COL6A5: variants seen among roughly 807,000 people sequenced by gnomAD.
COL6A5 encodes the protein collagen type VI alpha 5 chain.
A neutral mutation model predicts 65.6 loss-of-function variants in COL6A5; 48 were observed. The observed-to-expected ratio is 0.73, with a 90% CI of 0.58 to 0.93. COL6A5 has a LOEUF of 0.93. COL6A5 is among the 40% of genes least tolerant of loss of function. COL6A5 has a pLI of 0.00. For synonymous variants in COL6A5, 291 were observed against 322.8 expected, an observed-to-expected ratio of 0.90 and a Z score of 1.05; for missense variants, 914 against 928.3, an observed-to-expected ratio of 0.98 and a Z score of 0.20.
At chr3:130,397,328 G>A (rs781184471) in intron 8 of COL6A5, among the ~76,000 whole-genome samples, 139 of 151,966 alleles carry the variant, frequency 9.1e-4, no homozygotes, top group Non-Finnish European at 1.6e-3. Flanking sequence ...TTTTAAAGGG[G>A]ACAGAGAAAA....
chr3:130,465,287 G>C (rs976553589), intron 5 of COL6A5, among the ~76,000 whole-genome samples: 2 of 152,036 alleles, frequency 1.3e-5, no homozygotes, highest in Admixed American at 6.6e-5. Context: ...TGTACAGAGA[G>C]TAAACCCCAG....
intron 1 of COL6A5, among the ~76,000 whole-genome samples, chr3:130,362,235 A>C (rs1935133855): frequency 8.9e-6 from 1 of 112,148 alleles, no homozygotes; most frequent in African/African-American, 3.6e-5. Flanking sequence ...AATTTTTGGG[A>C]AGGGTGTAAG....
chr3:130,458,143 C>G (rs1452262276), intron 5 of COL6A5, among the ~76,000 whole-genome samples: 1 of 152,078 alleles, frequency 6.6e-6, no homozygotes. Context: ...CTTCTTCTCC[C>G]CATCTGCTCT....
chr3:130,469,098 A>G, exon 6 of COL6A5: 1 of 1,613,038 alleles, frequency 6.2e-7, no homozygotes, highest in East Asian at 2.2e-5. Flanking sequence ...GTTACTTATA[A>G]CAGTATACAC....
chr3:130,409,693 G>A (rs1413783029), intron 18 of COL6A5, among the ~76,000 whole-genome samples: 4 of 152,114 alleles, frequency 2.6e-5, no homozygotes, highest in African/African-American at 9.7e-5. Context: ...TAGTTACGGG[G>A]GAATCTTTTT....
chr3:130,379,977 C>A (rs1441883286), exon 4 of COL6A5: 4 of 1,550,642 alleles, frequency 2.6e-6, no homozygotes, highest in Non-Finnish European at 3.5e-6. Context: ...GTACAAAGTT[C>A]CTGAAAAAGC....
rs566384711 is a variant in COL6A5 at position 130,401,820 on chromosome 3, G to A, written c.4193G>A (p.Gly1398Glu). 3.9e-5 allele frequency: 61 copies of A among 1,551,478 alleles called. No individual in the cohort carries two copies. Among genetic ancestry groups the A allele is most frequent in the Admixed American group, 1.6e-4 (8 of 51,000 alleles). Residue 1398 changes from glycine (G) to glutamate (E), a missense_variant and NMD_transcript_variant, in exon 12 of 42, where the codon GGA (glycine) becomes GAA (glutamate). Gly to Glu is a moderately conservative substitution (Grantham distance 98). Transcript: ENST00000312481. ...TTCTGCAAATGTCCAGGAATTCCAG[G>A]ACCTCATGGGACCCGAGGACTACAA...
chr3:130,421,237 A>G (rs1937511912), intron 26 of COL6A5, 34 bp downstream of exon 26: 4 of 1,548,234 alleles, frequency 2.6e-6, no homozygotes, highest in Non-Finnish European at 3.5e-6. Flanking sequence ...TTATTCATTG[A>G]TGAATCAAAC....
chr3:130,359,360 C>T (rs1195961040), intron 1 of COL6A5, among the ~76,000 whole-genome samples: 1 of 151,796 alleles, frequency 6.6e-6, no homozygotes, highest in African/African-American at 2.4e-5. Context: ...GCCAATTTAT[C>T]CATTAGGCAC....
intron 7 of COL6A5, among the ~76,000 whole-genome samples, chr3:130,479,672 A>G (rs1311067507): frequency 6.6e-6 from 1 of 152,136 alleles, no homozygotes; most frequent in Non-Finnish European, 1.5e-5. Context: ...CATTTCCCAT[A>G]AAGTGAATGA....
At chr3:130,449,795 C>G (rs112482478) in intron 4 of COL6A5, among the ~76,000 whole-genome samples, 1 of 152,156 alleles carries the variant, frequency 6.6e-6, no homozygotes, top group Non-Finnish European at 1.5e-5. Context: ...AATTGACTCA[C>G]CGGCCAGAAT....
chr3:130,347,185 A>C (rs1478636295), intron 1 of COL6A5, among the ~76,000 whole-genome samples: 1 of 152,192 alleles, frequency 6.6e-6, no homozygotes, highest in Non-Finnish European at 1.5e-5. Context: ...TTATTTGCAG[A>C]TATTTCTCAG....
chr3:130,404,054 T>A (rs1158544932), intron 13 of COL6A5, among the ~76,000 whole-genome samples: 5 of 152,146 alleles, frequency 3.3e-5, no homozygotes, highest in Admixed American at 3.3e-4. Context: ...GCCAGGGAGC[T>A]CTTTTTAGAC....
intron 1 of COL6A5, among the ~76,000 whole-genome samples, chr3:130,351,569 C>T (rs115488898): frequency 0.041 from 6,243 of 152,320 alleles, 202 homozygotes; most frequent in Middle Eastern, 0.12. Flanking sequence ...TTTGTCATCA[C>T]TGGACATCAG....
At chr3:130,430,315 T>C (rs761772094), upstream of COL6A5, among the ~76,000 whole-genome samples, 7 of 152,238 alleles carry the variant, frequency 4.6e-5, no homozygotes, top group Non-Finnish European at 8.8e-5. Flanking sequence ...TCAGCTTTCA[T>C]ATTTTAAAAT....
chr3:130,445,867 C>A (rs908430870), intron 4 of COL6A5, among the ~76,000 whole-genome samples: 2 of 152,102 alleles, frequency 1.3e-5, no homozygotes, highest in African/African-American at 4.8e-5. Context: ...CCATGTGAGT[C>A]ATTTTTTAAT....
At chr3:130,371,011 T>A (rs538019648) in intron 1 of COL6A5, among the ~76,000 whole-genome samples, 43 of 152,274 alleles carry the variant, frequency 2.8e-4, no homozygotes, top group African/African-American at 8.9e-4. Flanking sequence ...AATCTTACTC[T>A]CTAAACATAC....
chr3:130,439,919 T>C (rs528019601), intron 2 of COL6A5, among the ~76,000 whole-genome samples: 1 of 152,308 alleles, frequency 6.6e-6, no homozygotes, highest in African/African-American at 2.4e-5. Flanking sequence ...GGACATGACT[T>C]GTACACTGCA....
At chr3:130,441,055 C>T (rs1037686175) in intron 3 of COL6A5, among the ~76,000 whole-genome samples, 26 of 152,104 alleles carry the variant, frequency 1.7e-4, no homozygotes, top group African/African-American at 6.0e-4. Context: ...TAGCCAAACT[C>T]TCAGCACTAG....
Sources: allele counts gnomAD v4.1 joint callset (sites outside exome capture counted in the v4.1 genomes callset), GRCh38; gene constraint gnomAD v4.1.1; transcripts MANE v1.5; gene names NCBI Gene and HGNC (gene_info 2026-07-23, HGNC 2026-07-21).